Variants in SNRNP40 observed in about 807,000 individuals in gnomAD.
SNRNP40 encodes the protein small nuclear ribonucleoprotein U5 subunit 40, also known as U5 small nuclear ribonucleoprotein 40 kDa protein.
SNRNP40 carries 21 observed loss-of-function variants against 45.8 expected under a neutral mutation model. The observed-to-expected ratio is 0.46, with a 90% CI of 0.32 to 0.66. The LOEUF is 0.66. SNRNP40 is among the 30% of genes least tolerant of loss of function. The pLI, the probability that SNRNP40 is intolerant of heterozygous loss-of-function variation, is 0.03. For missense variants in SNRNP40, 344 were observed against 439.1 expected, an observed-to-expected ratio of 0.78 and a Z score of 1.94; for synonymous variants, 142 against 163.8, an observed-to-expected ratio of 0.87 and a Z score of 1.01.
intron 5 of SNRNP40, among the ~76,000 whole-genome samples, chr1:31,273,969 G>GTT (rs1038382729): frequency 1.4e-5 from 2 of 147,506 alleles, no homozygotes. Context: ...TTTTGTTTTT[G>GTT]TTTTTTTTTT....
chr1:31,262,798 C>T (rs1019611759), intron 8 of SNRNP40, among the ~76,000 whole-genome samples: 1 of 151,886 alleles, frequency 6.6e-6, no homozygotes, highest in Non-Finnish European at 1.5e-5. Flanking sequence ...GGCTTGAGCT[C>T]AGGAGCTTGA....
At chr1:31,263,650 C>A in intron 8 of SNRNP40, 2 of 454,432 alleles carry the variant, frequency 4.4e-6, no homozygotes, top group East Asian at 7.5e-5. Context: ...AGACTGTGTC[C>A]CAAAGTAGTA....
chr1:31,287,167 A>G (rs1646065806), intron 4 of SNRNP40, among the ~76,000 whole-genome samples: 1 of 152,204 alleles, frequency 6.6e-6, no homozygotes, highest in South Asian at 2.1e-4. Flanking sequence ...CTTGCAACCT[A>G]GTAACAAAAA....
At position 31,261,746 on chromosome 1, in the gene SNRNP40, T is replaced by C; in HGVS notation, c.921-114A>G. On this transcript the variant is annotated intron_variant, in intron 8 of 9. Transcript: ENST00000263694. Reference sequence around the variant, plus strand: ...AATTATTTACTTACCTTACATTTACTGAACCATGTTCTGGCTTTTAGAAAC... The same window carrying C: ...AATTATTTACTTACCTTACATTTACCGAACCATGTTCTGGCTTTTAGAAAC... 5 of 645,990 alleles carry C rather than the reference T, an allele frequency of 7.7e-6. No homozygotes were observed. In the East Asian group the frequency reaches 1.4e-4, roughly 18 times the overall value. 40.0% of individuals were successfully genotyped at this position (645,990 alleles called of 1,614,324 possible). A position where few individuals can be genotyped will look rare whatever the true frequency, so the allele number is the denominator to read the frequency against.
chr1:31,285,222 C>T (rs1264041880), intron 4 of SNRNP40, among the ~76,000 whole-genome samples: 1 of 149,896 alleles, frequency 6.7e-6, no homozygotes, highest in Non-Finnish European at 1.5e-5. Flanking sequence ...GAGTAAGTTG[C>T]TTACCCAATG....
At chr1:31,267,996 T>C in intron 7 of SNRNP40, 64 bp from the exon 8 acceptor site, 1 of 1,125,686 alleles carries the variant, frequency 8.9e-7, no homozygotes, top group South Asian at 1.3e-5. Flanking sequence ...GGCTACCGAA[T>C]CACTAAGAGG....
chr1:31,260,026 T>C lies in SNRNP40; in HGVS notation c.*46A>G, dbSNP rs373867939. On this transcript the variant is annotated 3_prime_UTR_variant, in exon 10 of 10. Transcript: ENST00000263694. ...AACATTTGGCATCACTTATGCAGTC[T>C]GAGGTCTCAAAGACAAGCGGCCTTG... 6 of 1,387,024 alleles carry C rather than the reference T, an allele frequency of 4.3e-6. No individual in the cohort carries two copies. Among genetic ancestry groups the C allele is most frequent in the Non-Finnish European group, 6.2e-6 (6 of 973,106 alleles). 85.9% of individuals were successfully genotyped at this position (1,387,024 alleles called of 1,614,324 possible). A position where few individuals can be genotyped will look rare whatever the true frequency, so the allele number is the denominator to read the frequency against.
intron 7 of SNRNP40, 79 bp downstream of exon 7, chr1:31,269,079 G>C: frequency 7.7e-7 from 1 of 1,298,480 alleles, no homozygotes. Flanking sequence ...CAGAGCTACT[G>C]CTCTCTATCC....
intron 4 of SNRNP40, chr1:31,281,793 C>A: frequency 4.8e-6 from 1 of 209,572 alleles, no homozygotes; most frequent in East Asian, 1.0e-4. Context: ...CTACTTAGTT[C>A]ATATATTTTT....
At chr1:31,289,989 A>T (rs1230467141) in intron 3 of SNRNP40, among the ~76,000 whole-genome samples, 10 of 152,050 alleles carry the variant, frequency 6.6e-5, no homozygotes, top group African/African-American at 2.4e-4. Context: ...CCTCCTGAGT[A>T]GCTGGGACCA....
intron 8 of SNRNP40, among the ~76,000 whole-genome samples, chr1:31,263,058 C>G (rs1030152392): frequency 6.6e-6 from 1 of 151,550 alleles, no homozygotes; most frequent in Non-Finnish European, 1.5e-5. Context: ...ATGTAAGAGG[C>G]TATAGAGTTT....
At chr1:31,287,875 T>C (rs1269043228) in intron 4 of SNRNP40, among the ~76,000 whole-genome samples, 1 of 152,194 alleles carries the variant, frequency 6.6e-6, no homozygotes, top group Non-Finnish European at 1.5e-5. Flanking sequence ...TGGGTCCCTG[T>C]AGTCCCAGCT....
intron 9 of SNRNP40, among the ~76,000 whole-genome samples, chr1:31,260,736 C>T (rs534249043): frequency 1.7e-4 from 25 of 151,248 alleles, no homozygotes; most frequent in Non-Finnish European, 2.8e-4. Context: ...GTGGTGGGTG[C>T]CTGTAGTCCC....
intron 5 of SNRNP40, among the ~76,000 whole-genome samples, chr1:31,272,879 G>A (rs1357889833): frequency 6.6e-6 from 1 of 152,128 alleles, no homozygotes; most frequent in Non-Finnish European, 1.5e-5. Flanking sequence ...TTTTGTTAAG[G>A]TCACTGGTAT....
rs1482687138 is a variant in SNRNP40, at chr1:31,274,349, C to T, written c.655-2850G>A. On this transcript the variant is annotated intron_variant, in intron 5 of 9. Transcript: ENST00000263694. The stretch of plus-strand genomic sequence containing the variant: ...CCTCCCGGGTTCAAGTGATTCTCCT[C>T]CCTCAGCCTCCAGAGTAGCTGGGAC... 2.6e-5 allele frequency among the ~76,000 whole-genome samples: 4 copies of T among 152,098 alleles called. No individual in the cohort carries two copies. The East Asian group carries it at 5.8e-4, about 22-fold the overall frequency.
intron 8 of SNRNP40, among the ~76,000 whole-genome samples, chr1:31,264,027 A>C (rs1314174846): frequency 6.6e-6 from 1 of 152,046 alleles, no homozygotes; most frequent in Admixed American, 6.6e-5. Context: ...ATCTGTTGGT[A>C]AATATAAAGG....
chr1:31,289,415 G>A lies in SNRNP40; in HGVS notation c.370C>T (p.Leu124Phe). Residue 124 changes from leucine (L) to phenylalanine (F), a missense_variant, in exon 4 of 10, where the codon CTT (leucine) becomes TTT (phenylalanine). Leu to Phe is a conservative substitution (Grantham distance 22). Coordinates refer to ENST00000263694, the MANE Select transcript of SNRNP40 (RefSeq NM_004814.3). The stretch of plus-strand genomic sequence containing the variant: ...GTTTTATCTGTGGATGCTGAGAAAA[G>A]CATACTAGAAAGTAAGAGAAAGAAT... ...ELHYNTDGSM[L>F]FSASTDKTVA... 6.2e-7 allele frequency: 1 copy of A among 1,611,540 alleles called. No homozygotes were observed. The highest frequency in any genetic ancestry group is 8.5e-7 in the Non-Finnish European group (1 of 1,177,926).
At chr1:31,284,035 G>A (rs1646038251) in intron 4 of SNRNP40, among the ~76,000 whole-genome samples, 1 of 152,198 alleles carries the variant, frequency 6.6e-6, no homozygotes, top group Admixed American at 6.5e-5. Context: ...ACCAGCCTGA[G>A]CAACATGGTG....
At chr1:31,272,671 T>C (rs1211526020) in intron 5 of SNRNP40, among the ~76,000 whole-genome samples, 10 of 152,186 alleles carry the variant, frequency 6.6e-5, no homozygotes. Flanking sequence ...AGGTCCTCAA[T>C]AATGTGTAGC....
Sources: allele counts gnomAD v4.1 joint callset (sites outside exome capture counted in the v4.1 genomes callset), GRCh38; gene constraint gnomAD v4.1.1; transcripts MANE v1.5; gene names NCBI Gene and HGNC (gene_info 2026-07-23, HGNC 2026-07-21).